MECOM: variants seen among roughly 807,000 people sequenced by gnomAD.
The protein encoded by MECOM is MDS1 and EVI1 complex locus, also known as histone-lysine N-methyltransferase MECOM.
Under a neutral mutation model 116.3 loss-of-function variants are expected in MECOM, and 13 were observed. The ratio of observed to expected loss-of-function variants is 0.11; its 90% CI spans 0.07 to 0.18. The LOEUF is 0.18. Ranked by LOEUF, MECOM falls within the 10% of genes least tolerant of loss-of-function variation. The pLI is 1.00. For missense variants in MECOM, 1,299 were observed against 1,509.0 expected (o/e 0.86, Z 2.31); for synonymous variants, 528 against 535.2 (o/e 0.99, Z 0.19).
At chr3:169,172,403 T>TTGTG (rs1287087223) in intron 2 of MECOM, among the ~76,000 whole-genome samples, 88 of 112,904 alleles carry the variant, frequency 7.8e-4, no homozygotes, top group African/African-American at 2.8e-3. Flanking sequence ...GCAGGTACCC[T>TTGTG]TGTATGTGTG....
intron 2 of MECOM, among the ~76,000 whole-genome samples, chr3:169,342,416 GAA>G (rs1724700978): frequency 1.3e-5 from 2 of 151,976 alleles, no homozygotes; most frequent in Admixed American, 6.6e-5. Flanking sequence ...TCACTGCAAA[GAA>G]AAGTGTCTAT....
intron 2 of MECOM, chr3:169,147,301 C>A (rs1050623351): frequency 6.1e-6 from 6 of 985,460 alleles, no homozygotes; most frequent in Non-Finnish European, 6.0e-6. Flanking sequence ...TCCTCCGCAG[C>A]GCCTTCGCGG....
At chr3:169,296,647 A>G (rs1715661748) in intron 2 of MECOM, among the ~76,000 whole-genome samples, 1 of 152,190 alleles carries the variant, frequency 6.6e-6, no homozygotes, top group African/African-American at 2.4e-5. Flanking sequence ...GCATAACATG[A>G]CTTGATTCAC....
chr3:169,501,127 C>T (rs1231162169), intron 1 of MECOM, among the ~76,000 whole-genome samples: 2 of 151,976 alleles, frequency 1.3e-5, no homozygotes, highest in African/African-American at 2.4e-5. Context: ...AATAAAAACA[C>T]TTATTTAGAA....
intron 2 of MECOM, among the ~76,000 whole-genome samples, chr3:169,308,513 A>G (rs115346614): frequency 6.6e-6 from 1 of 152,208 alleles, no homozygotes; most frequent in Admixed American, 6.5e-5. Flanking sequence ...TCTACTGTTC[A>G]AAAATAAAGG....
chr3:169,504,226 G>A (rs1429970989), intron 1 of MECOM, among the ~76,000 whole-genome samples: 2 of 146,502 alleles, frequency 1.4e-5, no homozygotes, highest in African/African-American at 2.5e-5. Flanking sequence ...TAATGGAGAA[G>A]CTGCCCAGAC....
At chr3:169,378,057 C>A (rs749912856) in intron 2 of MECOM, among the ~76,000 whole-genome samples, 1 of 151,654 alleles carries the variant, frequency 6.6e-6, no homozygotes, top group Non-Finnish European at 1.5e-5. Flanking sequence ...TCATTCTCAG[C>A]AAGCCAACAC....
chr3:169,260,603 A>T (rs1252755601), intron 2 of MECOM, among the ~76,000 whole-genome samples: 21 of 152,044 alleles, frequency 1.4e-4, no homozygotes, highest in Non-Finnish European at 1.5e-5. Context: ...GCATGAGTTT[A>T]TCAGTCTCCG....
At chr3:169,197,572 T>C (rs1748602273) in intron 2 of MECOM, among the ~76,000 whole-genome samples, 1 of 151,980 alleles carries the variant, frequency 6.6e-6, no homozygotes, top group Non-Finnish European at 1.5e-5. Flanking sequence ...GCTATGCTTT[T>C]AAAGCCAGAA....
intron 1 of MECOM, among the ~76,000 whole-genome samples, chr3:169,384,750 C>T (rs1420946922): frequency 6.6e-6 from 1 of 151,976 alleles, no homozygotes; most frequent in African/African-American, 2.4e-5. Flanking sequence ...GTAAAATTTC[C>T]CCTACTTCCT....
intron 1 of MECOM, among the ~76,000 whole-genome samples, chr3:169,631,449 A>AT (rs907485053): frequency 3.3e-5 from 5 of 152,104 alleles, no homozygotes; most frequent in South Asian, 4.2e-4. Context: ...AAAATAGCAA[A>AT]TTTTTTTTAT....
chr3:169,502,075 C>T (rs1754609867), intron 1 of MECOM, among the ~76,000 whole-genome samples: 1 of 152,060 alleles, frequency 6.6e-6, no homozygotes. Context: ...TATTTATGAT[C>T]CTCATTGTAG....
At chr3:169,337,545 G>T (rs79141925) in intron 2 of MECOM, among the ~76,000 whole-genome samples, 2,677 of 152,250 alleles carry the variant, frequency 0.018, 61 homozygotes, top group East Asian at 0.1. Context: ...CCCCTAGGGG[G>T]TCATTGTTGC....
intron 2 of MECOM, among the ~76,000 whole-genome samples, chr3:169,167,597 G>T (rs1743787077): frequency 6.6e-6 from 1 of 152,082 alleles, no homozygotes; most frequent in African/African-American, 2.4e-5. Context: ...CTCTATAATT[G>T]CTTTTCACCA....
intron 1 of MECOM, among the ~76,000 whole-genome samples, chr3:169,646,101 C>T (rs1268330200): frequency 6.6e-6 from 1 of 152,086 alleles, no homozygotes; most frequent in Non-Finnish European, 1.5e-5. Flanking sequence ...CATAGTATTC[C>T]ATGGTGTATA....
At chr3:169,433,228 G>T (rs1230873774) in intron 1 of MECOM, among the ~76,000 whole-genome samples, 1 of 152,128 alleles carries the variant, frequency 6.6e-6, no homozygotes, top group African/African-American at 2.4e-5. Context: ...CAGCACTTTG[G>T]GAGGCCAAGG....
chr3:169,112,678 G>A (rs1039627967), intron 9 of MECOM, 109 bp downstream of exon 9: 55 of 831,210 alleles, frequency 6.6e-5, no homozygotes, highest in Non-Finnish European at 8.2e-5. Flanking sequence ...CCACACCAGC[G>A]TCATAGGAAA....
chr3:169,218,059 A>G (rs1441989329), intron 2 of MECOM, among the ~76,000 whole-genome samples: 1 of 151,924 alleles, frequency 6.6e-6, no homozygotes, highest in African/African-American at 2.4e-5. Context: ...ACTACTATAA[A>G]TCATGTAAAG....
chr3:169,370,716 T>C (rs764426179), intron 2 of MECOM, among the ~76,000 whole-genome samples: 1 of 151,680 alleles, frequency 6.6e-6, no homozygotes, highest in Non-Finnish European at 1.5e-5. Flanking sequence ...AATTTAAATA[T>C]GGGAAAAAGG....
Sources: gnomAD v4.1 joint callset for allele counts (sites outside exome capture counted in the v4.1 genomes callset) on GRCh38, gnomAD v4.1.1 for gene constraint, MANE v1.5 for transcripts, NCBI Gene and HGNC (gene_info 2026-07-23, HGNC 2026-07-21) for gene names.